Variants in TOPBP1 observed in about 807,000 individuals in gnomAD.
TOPBP1 encodes DNA topoisomerase 2-binding protein 1.
A neutral mutation model predicts 167.7 loss-of-function variants in TOPBP1; 28 were observed. The ratio of observed to expected loss-of-function variants is 0.17; its 90% CI spans 0.12 to 0.23. TOPBP1 has a LOEUF of 0.23. Ranked by LOEUF, TOPBP1 falls within the 10% of genes least tolerant of loss-of-function variation. The pLI, the probability that TOPBP1 is intolerant of heterozygous loss-of-function variation, is 1.00. For synonymous variants in TOPBP1, 598 were observed against 611.4 expected, an observed-to-expected ratio of 0.98 and a Z score of 0.32; for missense variants, 1,554 against 1,809.6, an observed-to-expected ratio of 0.86 and a Z score of 2.56.
chr3:133,634,345 C>T (rs1374785806), intron 14 of TOPBP1, among the ~76,000 whole-genome samples: 1 of 152,066 alleles, frequency 6.6e-6, no homozygotes, highest in Non-Finnish European at 1.5e-5. Flanking sequence ...CCCATCTCTA[C>T]TAAAAATACA....
chr3:133,608,302 C>A (rs1185115150), intron 27 of TOPBP1, among the ~76,000 whole-genome samples: 2 of 152,022 alleles, frequency 1.3e-5, no homozygotes, highest in Admixed American at 6.6e-5. Context: ...TTTAGAGGTA[C>A]CTAGATTTTT....
Position 133,628,461 on chromosome 3 carries a change from G to T in TOPBP1, c.2705C>A (p.Pro902Gln), listed in dbSNP as rs1332974300. 6.2e-7 allele frequency: 1 copy of T among 1,610,462 alleles called. No individual in the cohort carries two copies. The highest frequency in any genetic ancestry group is 8.5e-7 in the Non-Finnish European group (1 of 1,178,296). Residue 902 changes from proline (P) to glutamine (Q), a missense_variant, in exon 16 of 28, where the codon CCA becomes CAA. Coordinates refer to ENST00000260810, the MANE Select transcript of TOPBP1 (RefSeq NM_007027.4). ...TACCACTACTTTGTGAAGTGGCTTT[G>T]GGGCTTCTTCCTGTCCATGGAAAAT... ...KEAQSEKEEAPKPLHKVVVCV... is the reference protein window; with the variant it reads ...KEAQSEKEEAQKPLHKVVVCV...
chr3:133,653,830 C>T (rs189957548), intron 6 of TOPBP1, among the ~76,000 whole-genome samples: 1 of 152,148 alleles, frequency 6.6e-6, no homozygotes, highest in East Asian at 1.9e-4. Flanking sequence ...CGGGGTTTCA[C>T]CATGTTGGCT....
At chr3:133,617,849 T>C (rs562956695) in intron 21 of TOPBP1, among the ~76,000 whole-genome samples, 61 of 152,290 alleles carry the variant, frequency 4.0e-4, no homozygotes, top group African/African-American at 1.4e-3. Context: ...AATGTAGGTA[T>C]GTGCTAGGCA....
At chr3:133,649,043 G>A (rs1339359831) in intron 10 of TOPBP1, among the ~76,000 whole-genome samples, 1 of 152,088 alleles carries the variant, frequency 6.6e-6, no homozygotes, top group Non-Finnish European at 1.5e-5. Flanking sequence ...CCACAGTACA[G>A]TTTCATGCAT....
chr3:133,650,718 T>C (rs1936263847), intron 8 of TOPBP1, among the ~76,000 whole-genome samples: 1 of 152,314 alleles, frequency 6.6e-6, no homozygotes, highest in South Asian at 2.1e-4. Context: ...ATTACTAGAA[T>C]ATATTTTAAC....
intron 21 of TOPBP1, among the ~76,000 whole-genome samples, chr3:133,617,900 A>C (rs148952812): frequency 5.9e-5 from 9 of 152,358 alleles, no homozygotes; most frequent in Non-Finnish European, 1.2e-4. Context: ...GATAGGAAGA[A>C]AAACCAAGCA....
chr3:133,614,245 A>G (rs1181234741), intron 23 of TOPBP1, among the ~76,000 whole-genome samples: 3 of 152,196 alleles, frequency 2.0e-5, no homozygotes, highest in Non-Finnish European at 4.4e-5. Context: ...TCTCACAACC[A>G]TATGAAGGAA....
At chr3:133,614,389 C>G (rs1052660023) in intron 23 of TOPBP1, among the ~76,000 whole-genome samples, 3 of 152,138 alleles carry the variant, frequency 2.0e-5, no homozygotes, top group Admixed American at 6.5e-5. Flanking sequence ...TTCTACATAA[C>G]AAACTTATTC....
At position 133,623,249 on chromosome 3, in the gene TOPBP1, T is replaced by C. The variant is rs570993952; in HGVS notation, c.3076-56A>G. 56 of 1,611,924 alleles carry C rather than the reference T, an allele frequency of 3.5e-5. No individual in the cohort carries two copies. The African/African-American group carries it at 6.7e-4, about 19-fold the overall frequency. On this transcript the variant is annotated intron_variant, in intron 18 of 27. Transcript: ENST00000260810. ...AACCAAGCCACTGTATAAGGTTTCA[T>C]AGCAATATATGATTATACCTTTAGC... is the stretch of plus-strand genomic sequence containing the variant.
intron 4 of TOPBP1, among the ~76,000 whole-genome samples, 182 bp from the exon 5 acceptor site, chr3:133,657,039 A>G: frequency 6.6e-6 from 1 of 152,180 alleles, no homozygotes; most frequent in Non-Finnish European, 1.5e-5. Context: ...TATATTTTTA[A>G]AATATTATTT....
At position 133,628,731 on chromosome 3, in the gene TOPBP1, A is replaced by C. The variant is rs781159817; in HGVS notation, c.2523T>G (p.Asp841Glu). Residue 841 changes from aspartate (D) to glutamate (E), a missense_variant and splice_region_variant, in exon 15 of 28, where the codon GAT becomes GAG. Physicochemically the swap from Asp to Glu is conservative, Grantham distance 45. Around this residue, in one of 3 missense-constraint regions of TOPBP1, gnomAD observed 1,197 missense variants for 1,351.5 expected, o/e 0.89. Coordinates refer to ENST00000260810, the MANE Select transcript of TOPBP1 (RefSeq NM_007027.4). ...KLFKPSFDVK[D>E]ALAALETPGR... Reference sequence around the variant, plus strand: ...CTGGAGTTTCCAAGGCTGCAAGTGCATCCTATACATATGAAGGAGAGAGAG... The same window carrying C: ...CTGGAGTTTCCAAGGCTGCAAGTGCCTCCTATACATATGAAGGAGAGAGAG... 6.4e-6 allele frequency: 10 copies of C among 1,551,976 alleles called. No homozygotes were observed. The South Asian group carries it at 1.2e-4, about 18-fold the overall frequency.
At chr3:133,622,958 C>T (rs1386572047) in intron 19 of TOPBP1, 133 bp downstream of exon 19, 1 of 542,678 alleles carries the variant, frequency 1.8e-6, no homozygotes, top group Non-Finnish European at 3.2e-6. Flanking sequence ...TGCAGTGGCT[C>T]ACAAGGCAGG....
Position 133,618,284 on chromosome 3 carries a change from T to C in TOPBP1, c.3521A>G (p.Gln1174Arg). Residue 1174 changes from glutamine (Q) to arginine (R), a missense_variant, in exon 21 of 28, where the codon CAG (glutamine) becomes CGG (arginine). Physicochemically the swap from Gln to Arg is conservative, Grantham distance 43 (BLOSUM62 1). Coordinates refer to ENST00000260810, the MANE Select transcript of TOPBP1 (RefSeq NM_007027.4). ...ATCCTCCAAGTTTTGAATGTCAACC[T>C]GAAGCTCAGAGTATTGTGTGGGACA... ...PSCPTQYSEL[Q>R]VDIQNLEDSP... The C allele has an allele frequency of 6.2e-7, 1 of 1,613,998 alleles. No individual in the cohort carries two copies. Among genetic ancestry groups the C allele is most frequent in the Non-Finnish European group, 8.5e-7 (1 of 1,179,866 alleles).
intron 6 of TOPBP1, 66 bp from the exon 7 acceptor site, chr3:133,653,590 T>A: frequency 7.7e-7 from 1 of 1,293,360 alleles, no homozygotes; most frequent in Non-Finnish European, 1.0e-6. Flanking sequence ...ACCATTACAA[T>A]CTATCTTTGC....
intron 24 of TOPBP1, among the ~76,000 whole-genome samples, chr3:133,612,167 G>A (rs1934702350): frequency 6.6e-6 from 1 of 151,642 alleles, no homozygotes; most frequent in South Asian, 2.1e-4. Context: ...TCAGCCTCCT[G>A]AGTAACTGGG....
intron 8 of TOPBP1, 38 bp downstream of exon 8, chr3:133,652,425 A>G (rs1936337563): frequency 6.2e-7 from 1 of 1,603,750 alleles, no homozygotes; most frequent in South Asian, 1.1e-5. Context: ...ATGCTAATGT[A>G]TATCATCTAC....
intron 25 of TOPBP1, among the ~76,000 whole-genome samples, chr3:133,609,532 C>G (rs567576495): frequency 6.6e-6 from 1 of 152,092 alleles, no homozygotes; most frequent in East Asian, 1.9e-4. Context: ...AATTGTAATC[C>G]GAATGATAAT....
intron 21 of TOPBP1, 103 bp downstream of exon 21, chr3:133,618,109 GT>G (rs761756220): frequency 4.2e-6 from 4 of 945,634 alleles, no homozygotes; most frequent in Non-Finnish European, 6.2e-6. Flanking sequence ...AGTTTTTTTT[GT>G]TTGCACATTC....
Sources: gnomAD v4.1 joint callset for allele counts (sites outside exome capture counted in the v4.1 genomes callset) on GRCh38, gnomAD v4.1.1 for gene constraint, gnomAD v4.1.1 regional missense constraint, MANE v1.5 for transcripts, NCBI Gene and HGNC (gene_info 2026-07-23, HGNC 2026-07-21) for gene names.